Variants in ALPK1 observed in about 807,000 individuals in gnomAD.
ALPK1 encodes alpha-protein kinase 1.
Under a neutral mutation model 120.6 loss-of-function variants are expected in ALPK1, and 110 were observed. The ratio of observed to expected loss-of-function variants is 0.91; its 90% CI spans 0.78 to 1.07. ALPK1 has a LOEUF of 1.07. ALPK1 is among the 50% of genes least tolerant of loss of function. ALPK1 has a pLI of 0.00. For synonymous variants in ALPK1, 582 were observed against 560.3 expected, an observed-to-expected ratio of 1.04 and a Z score of -0.55; for missense variants, 1,498 against 1,483.9, an observed-to-expected ratio of 1.01 and a Z score of -0.16.
chr4:112,432,891 C>T (rs1734637145), intron 11 of ALPK1, among the ~76,000 whole-genome samples: 2 of 152,210 alleles, frequency 1.3e-5, no homozygotes, highest in Non-Finnish European at 2.9e-5. Context: ...GAAAACAGCT[C>T]TGGAGGCCGT....
At chr4:112,337,996 T>A (rs1729696086) in intron 2 of ALPK1, among the ~76,000 whole-genome samples, 1 of 152,218 alleles carries the variant, frequency 6.6e-6, no homozygotes, top group Non-Finnish European at 1.5e-5. Flanking sequence ...AGAGGGAGTA[T>A]CACTCTGTCG....
intron 4 of ALPK1, among the ~76,000 whole-genome samples, chr4:112,396,922 C>T (rs538394792): frequency 2.6e-5 from 4 of 152,178 alleles, no homozygotes; most frequent in East Asian, 3.9e-4. Context: ...GAACCACATG[C>T]GTGTGCCACC....
chr4:112,395,574 A>G (rs1732613144), intron 4 of ALPK1, among the ~76,000 whole-genome samples: 1 of 152,238 alleles, frequency 6.6e-6, no homozygotes, highest in Non-Finnish European at 1.5e-5. Context: ...TACTATGTAT[A>G]TAGATTTCAG....
intron 1 of ALPK1, among the ~76,000 whole-genome samples, chr4:112,310,299 C>T (rs1728337136): frequency 6.6e-6 from 1 of 152,074 alleles, no homozygotes; most frequent in African/African-American, 2.4e-5. Flanking sequence ...AACACCTACT[C>T]AACTAGAGAT....
At chr4:112,346,484 T>C (rs1489805904) in intron 2 of ALPK1, among the ~76,000 whole-genome samples, 4 of 152,254 alleles carry the variant, frequency 2.6e-5, no homozygotes, top group Admixed American at 1.3e-4. Flanking sequence ...ATCATTATGT[T>C]CCTACTCCAT....
intron 5 of ALPK1, among the ~76,000 whole-genome samples, chr4:112,415,318 T>C (rs1733690214): frequency 6.6e-6 from 1 of 152,164 alleles, no homozygotes; most frequent in Non-Finnish European, 1.5e-5. Flanking sequence ...AAAATATTCT[T>C]GGCTAAAGAT....
chr4:112,389,511 T>C lies in ALPK1; in HGVS notation c.276+6959T>C, dbSNP rs1732309749. ...AACCTTGCTCCAGCCAAATGTCTGGTGTCTCTAAGGCTGCAACAATTGTAT... is the reference window on the plus strand; with the variant it reads ...AACCTTGCTCCAGCCAAATGTCTGGCGTCTCTAAGGCTGCAACAATTGTAT... On this transcript the variant is annotated intron_variant, in intron 4 of 15. Coordinates refer to ENST00000650871, the MANE Select transcript of ALPK1 (RefSeq NM_025144.4). Among the ~76,000 whole-genome samples the C allele has an allele frequency of 2.0e-5, 3 of 152,198 alleles. No homozygotes were observed. In the South Asian group the frequency reaches 6.2e-4, roughly 32 times the overall value.
At chr4:112,398,777 G>C (rs541842855) in intron 4 of ALPK1, among the ~76,000 whole-genome samples, 148 of 152,304 alleles carry the variant, frequency 9.7e-4, no homozygotes, top group African/African-American at 3.3e-3. Context: ...GTGGACTAAA[G>C]TGGGTGCCCT....
rs1326730729 is a variant in ALPK1 at position 112,350,624 on chromosome 4, G to A, written c.-100-27054G>A. Reference sequence around the variant, plus strand: ...TGCTGAGTTTTTCTCCAGACCTCTGGTACCATTTAGTGGAAAGCAAAGTGA... The same window carrying A: ...TGCTGAGTTTTTCTCCAGACCTCTGATACCATTTAGTGGAAAGCAAAGTGA... On this transcript the variant is annotated intron_variant, in intron 2 of 15. Coordinates refer to ENST00000650871, the MANE Select transcript of ALPK1 (RefSeq NM_025144.4). Among the ~76,000 whole-genome samples, 3 of 152,198 alleles carry A rather than the reference G, an allele frequency of 2.0e-5. 1 individual carries two copies. Among genetic ancestry groups the A allele is most frequent in the South Asian group, 4.2e-4 (2 of 4,806 alleles).
intron 2 of ALPK1, chr4:112,356,265 C>G: frequency 7.8e-7 from 1 of 1,287,558 alleles, no homozygotes; most frequent in Non-Finnish European, 1.1e-6. Flanking sequence ...CCCGCGGGCA[C>G]AGGCAAGACG....
At chr4:112,365,739 G>A (rs1235513312) in intron 2 of ALPK1, among the ~76,000 whole-genome samples, 4 of 152,032 alleles carry the variant, frequency 2.6e-5, no homozygotes, top group African/African-American at 4.8e-5. Flanking sequence ...AAAAGAGACC[G>A]CATAGTCAAA....
At chr4:112,416,403 A>T (rs964190997) in intron 5 of ALPK1, among the ~76,000 whole-genome samples, 3 of 152,150 alleles carry the variant, frequency 2.0e-5, no homozygotes, top group South Asian at 4.1e-4. Flanking sequence ...ACTGTATTTA[A>T]AAAAAATGTT....
chr4:112,411,985 G>A lies in ALPK1; in HGVS notation c.435G>A (p.Pro145=). ...HKLQPATPIA[P]QVVIRQARIS... ...TGCAGCCAGCCACGCCAATTGCCCC[G>A]CAGGTGGTTATTCGCCAAGCCCGAA... The change falls in exon 5 of 16, where the codon CCG becomes CCA. Residue 145 remains proline (P), a synonymous_variant. Transcript: ENST00000650871. 3.1e-6 allele frequency: 5 copies of A among 1,614,112 alleles called. No individual in the cohort carries two copies. The highest frequency in any genetic ancestry group is 4.2e-6 in the Non-Finnish European group (5 of 1,180,022).
chr4:112,333,749 A>G (rs74808078), intron 2 of ALPK1, among the ~76,000 whole-genome samples: 2,821 of 152,228 alleles, frequency 0.019, 100 homozygotes, highest in African/African-American at 0.064. Context: ...CATAAATTAG[A>G]AAAAAAATTC....
At chr4:112,410,492 A>G (rs17044633) in intron 4 of ALPK1, among the ~76,000 whole-genome samples, 5,081 of 152,324 alleles carry the variant, frequency 0.033, 113 homozygotes, top group African/African-American at 0.063. Flanking sequence ...AAGTGTTAGT[A>G]CTTAGGATTA....
intron 7 of ALPK1, 114 bp downstream of exon 7, chr4:112,425,865 C>T: frequency 2.6e-6 from 2 of 755,216 alleles, no homozygotes; most frequent in Non-Finnish European, 4.4e-6. Flanking sequence ...TTCCACTTGC[C>T]TTAGTTTCCT....
intron 12 of ALPK1, among the ~76,000 whole-genome samples, chr4:112,437,865 C>T (rs756811673): frequency 4.6e-5 from 7 of 152,198 alleles, no homozygotes; most frequent in Non-Finnish European, 1.0e-4. Context: ...CACCAGTTTA[C>T]AGCAAGTATA....
intron 4 of ALPK1, chr4:112,382,874 A>C: frequency 3.7e-6 from 1 of 267,704 alleles, no homozygotes; most frequent in East Asian, 8.5e-5. Context: ...CAGCATTTTA[A>C]TTTTGAAATG....
At position 112,431,957 on chromosome 4, in the gene ALPK1, A is replaced by G; in HGVS notation, c.2410A>G (p.Arg804Gly). Residue 804 changes from arginine (R) to glycine (G), a missense_variant, in exon 11 of 16, where the codon AGG becomes GGG. Arg to Gly is a moderately radical substitution (Grantham distance 125). Transcript: ENST00000650871. Reference protein sequence around the residue: ...STEDAPLDFHRVLHNSLGNIS... With the variant: ...STEDAPLDFHGVLHNSLGNIS... ...TGAAGATGCACCCTTAGACTTTCACAGGGTCCTGCACAATTCTCTGGGAAA... is the reference window on the plus strand; with the variant it reads ...TGAAGATGCACCCTTAGACTTTCACGGGGTCCTGCACAATTCTCTGGGAAA... 1.2e-6 allele frequency: 2 copies of G among 1,614,144 alleles called. No individual in the cohort carries two copies. The highest frequency in any genetic ancestry group is 1.7e-6 in the Non-Finnish European group (2 of 1,180,040).
Sources: gnomAD v4.1 joint callset for allele counts (sites outside exome capture counted in the v4.1 genomes callset) on GRCh38, gnomAD v4.1.1 for gene constraint, MANE v1.5 for transcripts, NCBI Gene and HGNC (gene_info 2026-07-23, HGNC 2026-07-21) for gene names.